The following RFWD3 variants were observed in gnomAD, a reference collection of about 807,000 sequenced individuals.
RFWD3 encodes the protein E3 ubiquitin-protein ligase RFWD3.
A neutral mutation model predicts 87.7 loss-of-function variants in RFWD3; 65 were observed. The observed-to-expected ratio is 0.74, with a 90% CI of 0.61 to 0.91. RFWD3 has a LOEUF of 0.91. RFWD3 is among the 40% of genes least tolerant of loss of function. RFWD3 has a pLI of 0.00. For missense variants in RFWD3, 1,078 were observed against 938.5 expected (o/e 1.15, Z -1.94); for synonymous variants, 433 against 352.8 (o/e 1.23, Z -2.55).
chr16:74,638,272 G>A (rs1959321237), intron 6 of RFWD3, among the ~76,000 whole-genome samples: 1 of 152,118 alleles, frequency 6.6e-6, no homozygotes, highest in African/African-American at 2.4e-5. Context: ...AAACTGACAT[G>A]TTAAAAGGCC....
chr16:74,637,122 T>TAAA (rs759556308), intron 7 of RFWD3, among the ~76,000 whole-genome samples: 1,837 of 101,548 alleles, frequency 0.018, 43 homozygotes, highest in African/African-American at 0.044. Flanking sequence ...TAAAGTCCTT[T>TAAA]AAAAAAAAAA....
intron 2 of RFWD3, among the ~76,000 whole-genome samples, chr16:74,660,147 C>T (rs1445253444): frequency 6.6e-6 from 1 of 152,206 alleles, no homozygotes; most frequent in Non-Finnish European, 1.5e-5. Context: ...CAGGGCAGAT[C>T]CAGGCTCCAA....
At chr16:74,628,724 C>T (rs1959008809) in intron 10 of RFWD3, 58 bp from the exon 11 acceptor site, 2 of 1,501,062 alleles carry the variant, frequency 1.3e-6, no homozygotes, top group Non-Finnish European at 1.8e-6. Flanking sequence ...GGCTCCAGAC[C>T]CCACTACCAG....
intron 1 of RFWD3, among the ~76,000 whole-genome samples, chr16:74,661,901 G>T (rs1961471410): frequency 6.6e-6 from 1 of 152,140 alleles, no homozygotes; most frequent in Admixed American, 6.5e-5. Flanking sequence ...AATAGAGAAA[G>T]GACATTTTTT....
In RFWD3 at chr16:74,630,871, A is replaced by T. The variant is rs1384439493; in HGVS notation, c.1664T>A (p.Ile555Asn). Residue 555 changes from isoleucine (I) to asparagine (N), a missense_variant, in exon 10 of 13, where the codon ATC becomes AAC. Ile to Asn is a moderately radical substitution (Grantham distance 149). Coordinates refer to ENST00000361070, the MANE Select transcript of RFWD3 (RefSeq NM_018124.4). ...TGAACCATTGGCCAGTCCAGCATAG[A>T]TGTAGTTAGCCTCATCAAGACACCA... Reference protein sequence around the residue: ...CCWCLDEANYIYAGLANGSIL... With the variant: ...CCWCLDEANYNYAGLANGSIL... The T allele has an allele frequency of 1.2e-6, 2 of 1,614,022 alleles. No homozygotes were observed. Among genetic ancestry groups the T allele is most frequent in the Admixed American group, 3.3e-5 (2 of 60,012 alleles).
chr16:74,643,304 A>C (rs1261555778), intron 6 of RFWD3, among the ~76,000 whole-genome samples: 1 of 152,168 alleles, frequency 6.6e-6, no homozygotes, highest in Non-Finnish European at 1.5e-5. Flanking sequence ...GTTCACAAAA[A>C]TGCAATCATA....
chr16:74,628,595 G>A lies in RFWD3; in HGVS notation c.1826C>T (p.Ala609Val). ...SAAFPYGGVL[A>V]GTLEDASFWE... ...GAATGAAGCATCCTCCAAGGTTCCA[G>A]CCAGCACCCCACCATATGGAAATGC... The change falls in exon 11 of 13, where the codon GCT (alanine) becomes GTT (valine). Residue 609 changes from alanine (A) to valine (V), a missense_variant. By Grantham distance (64) the Ala-to-Val change is moderately conservative. Coordinates refer to ENST00000361070, the MANE Select transcript of RFWD3 (RefSeq NM_018124.4). The A allele has an allele frequency of 2.5e-6, 4 of 1,614,164 alleles. No individual in the cohort carries two copies. Among genetic ancestry groups the A allele is most frequent in the Non-Finnish European group, 3.4e-6 (4 of 1,180,028 alleles).
rs144727254 is a variant in RFWD3 at position 74,652,034 on chromosome 16, G to A, written c.607C>T (p.Pro203Ser). 6.8e-6 allele frequency: 11 copies of A among 1,613,976 alleles called. No individual in the cohort carries two copies. The African/African-American group carries it at 1.5e-4, about 22-fold the overall frequency. The change falls in exon 3 of 13, where the codon CCT becomes TCT. Residue 203 changes from proline (P) to serine (S), a missense_variant. Transcript: ENST00000361070. ...GACACCTGCAACTCTTCAGATACAG[G>A]ATTCCTAGTCTCTGAATCATAAGTG... ...ATTYDSETRN[P>S]VSEELQVSSS... is the part of the protein sequence containing the mutation.
chr16:74,664,687 T>C (rs1038370440), intron 1 of RFWD3: 1 of 151,534 alleles, frequency 6.6e-6, no homozygotes, highest in Non-Finnish European at 1.5e-5. Flanking sequence ...GAGTGGAGGT[T>C]ACATTGAGCC....
At chr16:74,647,597 A>G (rs1222637105) in intron 4 of RFWD3, among the ~76,000 whole-genome samples, 3 of 146,810 alleles carry the variant, frequency 2.0e-5, no homozygotes, top group Non-Finnish European at 3.0e-5. Flanking sequence ...CAACATTATT[A>G]TTACTATTCT....
chr16:74,628,697 C>A, intron 10 of RFWD3, 31 bp from the exon 11 acceptor site: 1 of 1,606,184 alleles, frequency 6.2e-7, no homozygotes, highest in Non-Finnish European at 8.5e-7. Context: ...CTGTATCTCA[C>A]ACTCCAAAAC....
At chr16:74,662,998 G>A (rs1037013645) in intron 1 of RFWD3, among the ~76,000 whole-genome samples, 10 of 151,338 alleles carry the variant, frequency 6.6e-5, no homozygotes, top group East Asian at 5.9e-4. Context: ...TCCGCCTCCC[G>A]GGTTCACGCC....
Position 74,638,607 on chromosome 16 carries a change from C to CTTT in RFWD3, c.1080-638_1080-637insAAA, listed in dbSNP as rs1959357092. Among the ~76,000 whole-genome samples the CTTT allele has an allele frequency of 2.0e-5, 3 of 152,258 alleles. No individual in the cohort carries two copies. In the East Asian group the frequency reaches 5.8e-4, roughly 29 times the overall value. ...AAGATGAAAATTGGAAAAGATAAAG[C>CTTT]TGCCCTTATTAATTTTTATGGCAAA... On this transcript the variant is annotated intron_variant, in intron 6 of 12. Transcript: ENST00000361070.
chr16:74,627,906 A>T (rs1007370977), intron 11 of RFWD3, among the ~76,000 whole-genome samples: 2 of 152,230 alleles, frequency 1.3e-5, no homozygotes, highest in Admixed American at 6.5e-5. Context: ...AGTACAGTTT[A>T]CCAGGAATTT....
chr16:74,623,671 T>C lies in RFWD3; in HGVS notation c.*257A>G. On this transcript the variant is annotated 3_prime_UTR_variant, in exon 13 of 13. Coordinates refer to ENST00000361070, the MANE Select transcript of RFWD3 (RefSeq NM_018124.4). Reference sequence around the variant, plus strand: ...AATAAGAATTTCCAACATACAATAATGGTTAATGAAGGCTTTAAACCCAAG... The same window carrying C: ...AATAAGAATTTCCAACATACAATAACGGTTAATGAAGGCTTTAAACCCAAG... 3 of 360,476 alleles carry C rather than the reference T, an allele frequency of 8.3e-6. No homozygotes were observed. The highest frequency in any genetic ancestry group is 1.5e-5 in the Non-Finnish European group (3 of 201,116). 22.3% of individuals were successfully genotyped at this position (360,476 alleles called of 1,614,324 possible). A position where few individuals can be genotyped will look rare whatever the true frequency, so the allele number is the denominator to read the frequency against.
rs372273896 is a variant in RFWD3, at chr16:74,654,273, C to T, written c.519-2151G>A. On this transcript the variant is annotated intron_variant, in intron 2 of 12. Coordinates refer to ENST00000361070, the MANE Select transcript of RFWD3 (RefSeq NM_018124.4). ...TTTTAGAAGAACCAACTTTTTGATT[C>T]GTTCATTTTCTCTCATTTTTCTATT... 7.2e-5 allele frequency among the ~76,000 whole-genome samples: 11 copies of T among 151,852 alleles called. No homozygotes were observed. The South Asian group carries it at 1.7e-3, about 23-fold the overall frequency.
At chr16:74,651,884 T>C (rs1419130149) in intron 3 of RFWD3, 36 bp downstream of exon 3, 5 of 1,585,448 alleles carry the variant, frequency 3.2e-6, no homozygotes, top group Middle Eastern at 1.8e-4. Context: ...TCATGGATGT[T>C]AGCCTTGTGA....
chr16:74,666,000 A>G (rs527420201), intron 1 of RFWD3, among the ~76,000 whole-genome samples: 7 of 151,842 alleles, frequency 4.6e-5, no homozygotes, highest in African/African-American at 1.2e-4. Flanking sequence ...TTTTCTCTTT[A>G]TAACACCTTT....
chr16:74,637,759 G>A lies in RFWD3; in HGVS notation c.1194+97C>T, dbSNP rs939151519. ...TCATGTTCATTTCCTAAACAACTTG[G>A]CAAATCCTATTTGTTTCTGAGATGA... On this transcript the variant is annotated intron_variant, in intron 7 of 12. Transcript: ENST00000361070. The A allele has an allele frequency of 1.4e-5, 12 of 863,494 alleles. No homozygotes were observed. In the African/African-American group the frequency reaches 1.7e-4, roughly 12 times the overall value. 53.5% of individuals were successfully genotyped at this position (863,494 alleles called of 1,614,324 possible).
Sources: allele counts gnomAD v4.1 joint callset (sites outside exome capture counted in the v4.1 genomes callset), GRCh38; gene constraint gnomAD v4.1.1; transcripts MANE v1.5; gene names NCBI Gene and HGNC (gene_info 2026-07-23, HGNC 2026-07-21).